PTPRD: variants seen among roughly 807,000 people sequenced by gnomAD.
The protein encoded by PTPRD is receptor-type tyrosine-protein phosphatase delta.
Under a neutral mutation model 214.5 loss-of-function variants are expected in PTPRD, and 34 were observed. That is an observed-to-expected ratio of 0.16 (90% CI 0.12 to 0.21). The LOEUF is 0.21. Among genes scored for constraint, PTPRD ranks in the 10% least tolerant of loss-of-function variants. The probability of loss-of-function intolerance (pLI) is 1.00; values close to 1 mark genes in which losing one functional copy is unlikely to be tolerated. For missense variants in PTPRD, 2,545 were observed against 2,398.7 expected, an observed-to-expected ratio of 1.06 and a Z score of -1.27; for synonymous variants, 1,128 against 845.7, an observed-to-expected ratio of 1.33 and a Z score of -5.79.
At chr9:8,666,770 A>G (rs890904905) in intron 12 of PTPRD, among the ~76,000 whole-genome samples, 7 of 152,208 alleles carry the variant, frequency 4.6e-5, no homozygotes, top group African/African-American at 1.7e-4. Context: ...TTCTGCAGAC[A>G]TCTAGCAGAA....
intron 5 of PTPRD, among the ~76,000 whole-genome samples, chr9:9,801,187 A>G (rs2099037457): frequency 1.3e-5 from 2 of 152,090 alleles, no homozygotes; most frequent in Admixed American, 1.3e-4. Context: ...ATATAAAAGC[A>G]ATTTTTAAAT....
intron 11 of PTPRD, among the ~76,000 whole-genome samples, chr9:8,919,882 GCATA>G (rs78006215): frequency 0.055 from 8,365 of 151,432 alleles, 288 homozygotes; most frequent in South Asian, 0.099. Context: ...CATGTATCAT[GCATA>G]CATAGATGTA....
chr9:8,835,742 T>C (rs1476040854), intron 11 of PTPRD, among the ~76,000 whole-genome samples: 1 of 152,118 alleles, frequency 6.6e-6, no homozygotes, highest in African/African-American at 2.4e-5. Flanking sequence ...CTCTCTATGC[T>C]GCCCAGGCTG....
chr9:8,630,387 C>A (rs1469533676), intron 14 of PTPRD, among the ~76,000 whole-genome samples: 2 of 151,742 alleles, frequency 1.3e-5, no homozygotes, highest in African/African-American at 2.4e-5. Flanking sequence ...TCAGTTTACA[C>A]TGGAATATTA....
intron 12 of PTPRD, among the ~76,000 whole-genome samples, chr9:8,677,952 C>T (rs1464511251): frequency 6.6e-6 from 1 of 152,106 alleles, no homozygotes; most frequent in Non-Finnish European, 1.5e-5. Flanking sequence ...TCAGCCTCTG[C>T]TGGTGTTGAG....
At chr9:9,473,923 T>G (rs1187107511) in intron 8 of PTPRD, among the ~76,000 whole-genome samples, 1 of 151,972 alleles carries the variant, frequency 6.6e-6, no homozygotes, top group African/African-American at 2.4e-5. Context: ...CTACAGGTTT[T>G]CTCTTTACTA....
intron 3 of PTPRD, among the ~76,000 whole-genome samples, chr9:10,198,927 A>T (rs2099408607): frequency 6.6e-6 from 1 of 152,088 alleles, no homozygotes; most frequent in East Asian, 1.9e-4. Flanking sequence ...CTTTTTTCAG[A>T]ATTGTCCTTT....
chr9:9,556,532 C>T (rs531172511), intron 8 of PTPRD, among the ~76,000 whole-genome samples: 43 of 152,332 alleles, frequency 2.8e-4, no homozygotes, highest in African/African-American at 6.7e-4. Flanking sequence ...TTGTGTTTCA[C>T]ACTTTGAATC....
At chr9:10,423,583 C>A (rs764732134) in intron 2 of PTPRD, among the ~76,000 whole-genome samples, 2 of 151,832 alleles carry the variant, frequency 1.3e-5, no homozygotes, top group African/African-American at 4.8e-5. Context: ...CGAGACAGTG[C>A]CAGTGGCATT....
intron 36 of PTPRD, among the ~76,000 whole-genome samples, chr9:8,391,163 C>T (rs919853895): frequency 6.6e-6 from 1 of 151,706 alleles, no homozygotes; most frequent in Non-Finnish European, 1.5e-5. Flanking sequence ...TATAATGAAA[C>T]ATATGTTCCC....
At chr9:10,358,113 C>G (rs945401730) in intron 2 of PTPRD, among the ~76,000 whole-genome samples, 1 of 151,988 alleles carries the variant, frequency 6.6e-6, no homozygotes, top group Non-Finnish European at 1.5e-5. Context: ...AAACCCTGAT[C>G]TGATTATCTA....
intron 2 of PTPRD, among the ~76,000 whole-genome samples, chr9:10,525,568 T>C (rs2053988170): frequency 6.6e-6 from 1 of 152,158 alleles, no homozygotes; most frequent in South Asian, 2.1e-4. Context: ...CTTCTTGCTT[T>C]AGGCAAGCTC....
chr9:9,269,581 T>A (rs1173897151), intron 9 of PTPRD, among the ~76,000 whole-genome samples: 1 of 151,422 alleles, frequency 6.6e-6, no homozygotes, highest in Non-Finnish European at 1.5e-5. Flanking sequence ...TTTTTTCCAA[T>A]AGTCAAGATA....
At chr9:8,619,388 ACT>A (rs1306356153) in intron 14 of PTPRD, among the ~76,000 whole-genome samples, 9 of 150,150 alleles carry the variant, frequency 6.0e-5, no homozygotes, top group Non-Finnish European at 1.2e-4. Flanking sequence ...CCAACATTCT[ACT>A]CTCTACTACT....
intron 3 of PTPRD, among the ~76,000 whole-genome samples, chr9:10,285,004 A>C (rs528499676): frequency 6.6e-6 from 1 of 152,314 alleles, no homozygotes; most frequent in South Asian, 2.1e-4. Flanking sequence ...TGAATGTTTA[A>C]TTTTAACTGC....
At chr9:8,648,478 C>G (rs964846953) in intron 12 of PTPRD, among the ~76,000 whole-genome samples, 1 of 152,166 alleles carries the variant, frequency 6.6e-6, no homozygotes, top group Non-Finnish European at 1.5e-5. Context: ...GTCATTCTTA[C>G]CATTCCTTAT....
chr9:8,547,994 A>G (rs1345284788), intron 14 of PTPRD, among the ~76,000 whole-genome samples: 1 of 152,234 alleles, frequency 6.6e-6, no homozygotes, highest in African/African-American at 2.4e-5. Context: ...ATGTAAGGTG[A>G]AAACGTGCAT....
intron 14 of PTPRD, among the ~76,000 whole-genome samples, chr9:8,574,366 C>T (rs569627026): frequency 1.3e-5 from 2 of 151,804 alleles, no homozygotes; most frequent in African/African-American, 2.4e-5. Flanking sequence ...ATAATATTGT[C>T]CTCTGATAAA....
At chr9:8,635,066 T>G (rs928964582) in intron 13 of PTPRD, among the ~76,000 whole-genome samples, 8 of 147,560 alleles carry the variant, frequency 5.4e-5, no homozygotes, top group Non-Finnish European at 1.2e-4. Flanking sequence ...TTTAATAATA[T>G]ATATTAAATA....
Sources: gnomAD v4.1 joint callset for allele counts (sites outside exome capture counted in the v4.1 genomes callset) on GRCh38, gnomAD v4.1.1 for gene constraint, MANE v1.5 for transcripts, NCBI Gene and HGNC (gene_info 2026-07-23, HGNC 2026-07-21) for gene names.